Variants in LZIC observed in about 807,000 individuals in gnomAD.
LZIC encodes the protein leucine zipper and CTNNBIP1 domain containing.
A neutral mutation model predicts 25.4 loss-of-function variants in LZIC; 28 were observed. That is an observed-to-expected ratio of 1.10 (90% CI 0.82 to 1.51). The LOEUF (loss-of-function observed/expected upper bound fraction) is 1.51, where lower values mean the gene tolerates loss of function less well. Among genes scored for constraint, LZIC ranks in the 40% most tolerant of loss-of-function variants. The pLI is 0.00. For missense variants in LZIC, 170 were observed against 211.1 expected (o/e 0.81, Z 1.21); for synonymous variants, 65 against 70.7 (o/e 0.92, Z 0.40).
At chr1:9,939,147 G>A (rs1488984986) in intron 2 of LZIC, among the ~76,000 whole-genome samples, 1 of 151,810 alleles carries the variant, frequency 6.6e-6, no homozygotes, top group African/African-American at 2.4e-5. Context: ...GCACGATTTC[G>A]GCTCACTGCA....
At chr1:9,934,626 G>A in intron 5 of LZIC, 136 bp downstream of exon 5, 1 of 726,454 alleles carries the variant, frequency 1.4e-6, no homozygotes. Flanking sequence ...ATTGCTCAAA[G>A]TACTAATTTT....
intron 2 of LZIC, among the ~76,000 whole-genome samples, chr1:9,937,994 AT>A (rs1640536484): frequency 6.6e-6 from 1 of 151,994 alleles, no homozygotes; most frequent in Admixed American, 6.6e-5. Flanking sequence ...GACTTGACAT[AT>A]TAATTAGAAG....
Position 9,928,323 on chromosome 1 carries a change from GACA to G in LZIC, c.*2073_*2075del, listed in dbSNP as rs952404554. 1.4e-3 allele frequency among the ~76,000 whole-genome samples: 207 copies of G among 151,666 alleles called. 6 individuals are homozygous for G. The highest frequency in any genetic ancestry group is 0.013 in the Admixed American group (198 of 15,220). Reference sequence around the variant, plus strand: ...GTGAAACTCCATCTCAAAAAACAACGACAACAACAACAACACAACAACAAACGC... The same window carrying G: ...GTGAAACTCCATCTCAAAAAACAACGACAACAACAACACAACAACAAACGC... On this transcript the variant is annotated 3_prime_UTR_variant, in exon 8 of 8. Coordinates refer to ENST00000377223, the MANE Select transcript of LZIC (RefSeq NM_032368.5).
downstream of LZIC, among the ~76,000 whole-genome samples, chr1:9,922,990 TG>T (rs1447371933): frequency 1.3e-5 from 2 of 152,198 alleles, no homozygotes; most frequent in Admixed American, 1.3e-4. Context: ...TAGGATGTCT[TG>T]GGCTATTATA....
intron 3 of LZIC, among the ~76,000 whole-genome samples, chr1:9,935,936 C>A (rs1295184299): frequency 1.3e-5 from 2 of 152,060 alleles, no homozygotes; most frequent in African/African-American, 2.4e-5. Context: ...TCGAGGCCAG[C>A]CTAGCCAACA....
chr1:9,929,313 T>G lies in LZIC; in HGVS notation c.*1086A>C. ...AAAAATGCTTTTAATTTGTATAAAGTGCAAAGAAAAAGAATATTGAGAAGC... is the reference window on the plus strand; with the variant it reads ...AAAAATGCTTTTAATTTGTATAAAGGGCAAAGAAAAAGAATATTGAGAAGC... On this transcript the variant is annotated 3_prime_UTR_variant, in exon 8 of 8. Transcript: ENST00000377223. The G allele has an allele frequency of 1.0e-6, 1 of 984,762 alleles. No individual in the cohort carries two copies. Among genetic ancestry groups the G allele is most frequent in the Non-Finnish European group, 1.2e-6 (1 of 829,412 alleles). The allele number at this position is 984,762 out of a possible 1,614,324, so 61.0% of individuals were successfully genotyped here. A position where few individuals can be genotyped will look rare whatever the true frequency, so the allele number is the denominator to read the frequency against.
intron 5 of LZIC, among the ~76,000 whole-genome samples, chr1:9,933,326 G>A (rs115774934): frequency 0.017 from 2,174 of 128,550 alleles, 57 homozygotes; most frequent in African/African-American, 0.059. Context: ...CTTTTCAGAC[G>A]TACTTCTTAA....
At chr1:9,932,363 G>T (rs908580626) in intron 6 of LZIC, among the ~76,000 whole-genome samples, 7 of 143,986 alleles carry the variant, frequency 4.9e-5, no homozygotes, top group African/African-American at 1.8e-4. Flanking sequence ...AAAAAAAAAG[G>T]TAGAGGGGAG....
chr1:9,936,759 G>C (rs941608449), intron 2 of LZIC, 132 bp from the exon 3 acceptor site: 6 of 632,454 alleles, frequency 9.5e-6, no homozygotes, highest in Non-Finnish European at 1.7e-5. Context: ...GGCCTAAAGT[G>C]ACCCTCCCAT....
At chr1:9,935,781 A>T (rs1640428695) in intron 3 of LZIC, among the ~76,000 whole-genome samples, 154 bp from the exon 4 acceptor site, 1 of 152,180 alleles carries the variant, frequency 6.6e-6, no homozygotes. Flanking sequence ...ATTTTCCTGC[A>T]ATATAGTTAC....
intron 6 of LZIC, among the ~76,000 whole-genome samples, chr1:9,932,457 C>T (rs1245221707): frequency 6.7e-5 from 10 of 149,420 alleles, no homozygotes; most frequent in South Asian, 2.1e-4. Flanking sequence ...CTGTGGCGGG[C>T]GGATCACCTG....
At chr1:9,938,517 G>C (rs758138153) in intron 2 of LZIC, among the ~76,000 whole-genome samples, 21 of 152,030 alleles carry the variant, frequency 1.4e-4, no homozygotes, top group Non-Finnish European at 2.4e-4. Flanking sequence ...CTTTCTGCTG[G>C]GTTATCTTTC....
At chr1:9,930,592 C>G (rs1640168071) in intron 7 of LZIC, 135 bp from the exon 8 acceptor site, 10 of 1,224,616 alleles carry the variant, frequency 8.2e-6, no homozygotes, top group Non-Finnish European at 1.1e-5. Context: ...GTGTATTAAC[C>G]CCTACACGTT....
At position 9,929,663 on chromosome 1, in the gene LZIC, C is replaced by T. The variant is rs1640128139; in HGVS notation, c.*736G>A. ...TCCCATTGTTCCAACCTCAAAATTC[C>T]GAGATACAACGGGCCCCATTAATAC... On this transcript the variant is annotated 3_prime_UTR_variant, in exon 8 of 8. Coordinates refer to ENST00000377223, the MANE Select transcript of LZIC (RefSeq NM_032368.5). 20 of 985,374 alleles carry T rather than the reference C, an allele frequency of 2.0e-5. No individual in the cohort carries two copies. The highest frequency in any genetic ancestry group is 1.1e-4 in the East Asian group (1 of 8,816). The allele number at this position is 985,374 out of a possible 1,614,324, so 61.0% of individuals were successfully genotyped here. A position where few individuals can be genotyped will look rare whatever the true frequency, so the allele number is the denominator to read the frequency against.
At chr1:9,933,362 T>C (rs1640322173) in intron 5 of LZIC, among the ~76,000 whole-genome samples, 1 of 149,444 alleles carries the variant, frequency 6.7e-6, no homozygotes, top group Non-Finnish European at 1.5e-5. Context: ...CTGATTAATA[T>C]TATAAAGAAC....
intron 5 of LZIC, among the ~76,000 whole-genome samples, 172 bp from the exon 6 acceptor site, chr1:9,933,070 C>T (rs535044383): frequency 1.5e-4 from 22 of 151,678 alleles, no homozygotes; most frequent in South Asian, 4.2e-4. Context: ...CTGGCTAACA[C>T]GGTGAAACCC....
downstream of LZIC, chr1:9,922,464 C>G (rs764564859): frequency 4.7e-5 from 14 of 301,030 alleles, no homozygotes; most frequent in Non-Finnish European, 6.8e-5. Context: ...AATGAGTAGC[C>G]TGAAATAGCT....
chr1:9,935,465 C>G (rs766760734), intron 4 of LZIC, 27 bp downstream of exon 4: 2 of 1,569,158 alleles, frequency 1.3e-6, no homozygotes, highest in Admixed American at 4.1e-5. Context: ...CAAAGTCTGT[C>G]CTCTGTCGCC....
At chr1:9,932,637 C>T (rs1334005259) in intron 6 of LZIC, among the ~76,000 whole-genome samples, 166 bp downstream of exon 6, 16 of 143,926 alleles carry the variant, frequency 1.1e-4, no homozygotes, top group African/African-American at 3.6e-4. Flanking sequence ...GAGCTGAGAT[C>T]GCACCATTGC....
Sources: allele counts gnomAD v4.1 joint callset (sites outside exome capture counted in the v4.1 genomes callset), GRCh38; gene constraint gnomAD v4.1.1; transcripts MANE v1.5; gene names NCBI Gene and HGNC (gene_info 2026-07-23, HGNC 2026-07-21).